The following ZMYM4 variants were observed in gnomAD, a reference collection of about 807,000 sequenced individuals.
ZMYM4 encodes zinc finger MYM-type protein 4.
ZMYM4 carries 31 observed loss-of-function variants against 183.2 expected under a neutral mutation model. The ratio of observed to expected loss-of-function variants is 0.17; its 90% CI spans 0.13 to 0.23. ZMYM4 has a LOEUF of 0.23. Ranked by LOEUF, ZMYM4 falls within the 10% of genes least tolerant of loss-of-function variation. The pLI is 1.00. For missense variants in ZMYM4, 1,273 were observed against 1,840.3 expected (o/e 0.69, Z 5.64); for synonymous variants, 592 against 631.2 (o/e 0.94, Z 0.93).
chr1:35,344,935 C>G (rs76467078), intron 2 of ZMYM4, among the ~76,000 whole-genome samples: 2,051 of 152,286 alleles, frequency 0.013, 49 homozygotes, highest in African/African-American at 0.047. Context: ...ACTCAATTCA[C>G]TAGTGGAGAC....
intron 1 of ZMYM4, among the ~76,000 whole-genome samples, chr1:35,305,358 T>C (rs1318663909): frequency 6.6e-6 from 1 of 152,172 alleles, no homozygotes; most frequent in African/African-American, 2.4e-5. Context: ...TATTTTGAAG[T>C]TGTATTGTTA....
Position 35,387,071 on chromosome 1 carries a change from A to T in ZMYM4, c.1905A>T (p.Val635=). 6.2e-7 allele frequency: 1 copy of T among 1,614,234 alleles called. No individual in the cohort carries two copies. ...VVPLSQGQVI[V]SIPTGSTVSA... ...CCTTGTCTCAGGGCCAAGTAATTGT[A>T]AGCATCCCCACAGGTTCCACAGTGT... is the stretch of plus-strand genomic sequence containing the variant. The change falls in exon 12 of 30, where the codon GTA becomes GTT. Residue 635 remains valine, a synonymous_variant. Coordinates refer to ENST00000314607, the MANE Select transcript of ZMYM4 (RefSeq NM_005095.3).
At chr1:35,361,515 C>A in intron 4 of ZMYM4, 104 bp from the exon 5 acceptor site, 1 of 1,309,170 alleles carries the variant, frequency 7.6e-7, no homozygotes, top group Admixed American at 2.7e-5. Context: ...TAATGAATGT[C>A]CATAGAGTTC....
chr1:35,365,120 TAAG>T, intron 5 of ZMYM4, among the ~76,000 whole-genome samples: 1 of 152,018 alleles, frequency 6.6e-6, no homozygotes, highest in Non-Finnish European at 1.5e-5. Flanking sequence ...CAACCCTGTA[TAAG>T]ATGGCCAGAG....
chr1:35,281,101 A>T (rs1640134241), intron 1 of ZMYM4, among the ~76,000 whole-genome samples: 1 of 152,012 alleles, frequency 6.6e-6, no homozygotes, highest in African/African-American at 2.4e-5. Context: ...TGGCTAACAC[A>T]GTGAAACCCT....
chr1:35,365,957 A>G (rs1644067650), intron 5 of ZMYM4: 1 of 152,224 alleles, frequency 6.6e-6, no homozygotes, highest in Non-Finnish European at 1.5e-5. Context: ...TTACATAAAT[A>G]ATACGTACTC....
chr1:35,374,386 G>GT (rs984682557), intron 7 of ZMYM4, among the ~76,000 whole-genome samples: 2 of 151,716 alleles, frequency 1.3e-5, no homozygotes, highest in Admixed American at 6.6e-5. Flanking sequence ...AATTTTTATA[G>GT]TTTTTTTTCT....
intron 1 of ZMYM4, among the ~76,000 whole-genome samples, chr1:35,270,663 G>T (rs1034072473): frequency 6.6e-6 from 1 of 152,202 alleles, no homozygotes; most frequent in Non-Finnish European, 1.5e-5. Context: ...GGGAGGCTGA[G>T]GCAGGGGAAT....
At chr1:35,388,786 C>T in intron 13 of ZMYM4, 124 bp from the exon 14 acceptor site, 1 of 845,612 alleles carries the variant, frequency 1.2e-6, no homozygotes, top group Non-Finnish European at 1.8e-6. Flanking sequence ...ACTCCTCCCG[C>T]CAGCCTCCCA....
intron 27 of ZMYM4, among the ~76,000 whole-genome samples, chr1:35,414,669 A>G (rs1022668166): frequency 1.3e-5 from 2 of 152,222 alleles, no homozygotes; most frequent in Admixed American, 6.5e-5. Context: ...TTTGCAATCT[A>G]TGAGCTAAAA....
chr1:35,287,896 TC>T (rs1490621598), intron 1 of ZMYM4, among the ~76,000 whole-genome samples: 2 of 152,038 alleles, frequency 1.3e-5, no homozygotes, highest in Non-Finnish European at 2.9e-5. Context: ...GAGCCCCCAC[TC>T]CCGGCCTATT....
At chr1:35,339,562 A>G (rs1178548812) in intron 2 of ZMYM4, among the ~76,000 whole-genome samples, 3 of 152,212 alleles carry the variant, frequency 2.0e-5, no homozygotes, top group Non-Finnish European at 1.5e-5. Context: ...GATGAATTAA[A>G]GTATATGGGA....
rs763488549 is a variant in ZMYM4, at chr1:35,387,506, T to C, written c.2165T>C (p.Ile722Thr). 6.2e-7 allele frequency: 1 copy of C among 1,613,070 alleles called. No individual in the cohort carries two copies. Among genetic ancestry groups the C allele is most frequent in the South Asian group, 1.1e-5 (1 of 90,668 alleles). Residue 722 changes from isoleucine (I) to threonine (T), a missense_variant, in exon 13 of 30, where the codon ATA (isoleucine) becomes ACA (threonine). Physicochemically the swap from Ile to Thr is moderately conservative, Grantham distance 89 (BLOSUM62 -1). Around this residue, in one of 6 missense-constraint regions of ZMYM4, gnomAD observed 319 missense variants for 518.1 expected, o/e 0.62. Coordinates refer to ENST00000314607, the MANE Select transcript of ZMYM4 (RefSeq NM_005095.3). ...GKNCSDEYKK[I>T]NNVMAMCEYC... ...AATTGTTCTGATGAATATAAGAAAA[T>C]AAATAATGTAATGGCAATGTGTGAA...
chr1:35,387,396 G>A (rs1644600786), intron 12 of ZMYM4, 58 bp from the exon 13 acceptor site: 2 of 1,569,646 alleles, frequency 1.3e-6, no homozygotes, highest in South Asian at 2.4e-5. Context: ...AGGGAGATAA[G>A]GAGTTCCATA....
At chr1:35,352,731 C>T (rs945116433) in intron 2 of ZMYM4, among the ~76,000 whole-genome samples, 13 of 152,206 alleles carry the variant, frequency 8.5e-5, no homozygotes, top group Admixed American at 7.9e-4. Flanking sequence ...TTCTCCTACT[C>T]TATTAGCTGT....
chr1:35,408,431 A>G (rs1639721681), intron 26 of ZMYM4, among the ~76,000 whole-genome samples: 1 of 152,198 alleles, frequency 6.6e-6, no homozygotes, highest in South Asian at 2.1e-4. Context: ...TCTTAGAGGC[A>G]TATATTTTAA....
intron 2 of ZMYM4, 165 bp from the exon 3 acceptor site, chr1:35,358,760 G>A: frequency 3.4e-6 from 2 of 590,396 alleles, no homozygotes; most frequent in Non-Finnish European, 2.8e-6. Context: ...TGTCAGATAG[G>A]AATAGTTATA....
chr1:35,368,025 G>C (rs571229032), intron 5 of ZMYM4, among the ~76,000 whole-genome samples: 52 of 151,924 alleles, frequency 3.4e-4, no homozygotes, highest in South Asian at 1.0e-3. Flanking sequence ...ACTAAGGCAG[G>C]GGTTGGCAAA....
At chr1:35,400,301 A>G (rs1644884274) in intron 23 of ZMYM4, 1 of 132,494 alleles carries the variant, frequency 7.5e-6, no homozygotes, top group Non-Finnish European at 1.5e-5. Context: ...TCCTGGGTTC[A>G]GGCCATTCTC....
Sources: allele counts gnomAD v4.1 joint callset (sites outside exome capture counted in the v4.1 genomes callset), GRCh38; gene constraint gnomAD v4.1.1; regional missense constraint gnomAD v4.1.1; transcripts MANE v1.5; gene names NCBI Gene and HGNC (gene_info 2026-07-23, HGNC 2026-07-21).